The following TPO variants were observed in gnomAD, a reference collection of about 807,000 sequenced individuals.
The protein encoded by TPO is thyroid microsomal antigen.
Under a neutral mutation model 96.9 loss-of-function variants are expected in TPO, and 78 were observed. The ratio of observed to expected loss-of-function variants is 0.81; its 90% CI spans 0.67 to 0.97. TPO has a LOEUF of 0.97. Ranked by LOEUF, TPO falls within the 50% of genes least tolerant of loss-of-function variation. The pLI, the probability that TPO is intolerant of heterozygous loss-of-function variation, is 0.00. For synonymous variants in TPO, 547 were observed against 538.0 expected (o/e 1.02, Z -0.23); for missense variants, 1,252 against 1,274.8 (o/e 0.98, Z 0.27).
chr2:1,418,596 G>A (rs187044287), intron 2 of TPO, among the ~76,000 whole-genome samples: 111 of 152,234 alleles, frequency 7.3e-4, no homozygotes, highest in Middle Eastern at 3.4e-3. Context: ...CTCCTCTAAC[G>A]CCCTGAACAG....
At chr2:1,427,186 G>A (rs551754449) in intron 3 of TPO, among the ~76,000 whole-genome samples, 1 of 152,242 alleles carries the variant, frequency 6.6e-6, no homozygotes, top group African/African-American at 2.4e-5. Flanking sequence ...CACAGAAGGG[G>A]CCACATCTGG....
chr2:1,397,219 T>A (rs1158719962), intron 1 of TPO, among the ~76,000 whole-genome samples: 1 of 152,216 alleles, frequency 6.6e-6, no homozygotes, highest in Non-Finnish European at 1.5e-5. Flanking sequence ...TCTGTTTATA[T>A]TTGCCACAGT....
chr2:1,415,998 G>A (rs1263112101), intron 2 of TPO, among the ~76,000 whole-genome samples: 1 of 152,064 alleles, frequency 6.6e-6, no homozygotes, highest in South Asian at 2.1e-4. Context: ...GAAGCCGTGG[G>A]GCCTCTCCCT....
At chr2:1,494,236 G>A (rs1049021612) in intron 11 of TPO, among the ~76,000 whole-genome samples, 197 bp downstream of exon 11, 8 of 152,188 alleles carry the variant, frequency 5.3e-5, no homozygotes, top group Non-Finnish European at 1.2e-4. Context: ...AAGCAACTAC[G>A]AAGCACGTAG....
chr2:1,472,696 C>T (rs545479984), intron 7 of TPO, among the ~76,000 whole-genome samples: 114 of 152,210 alleles, frequency 7.5e-4, no homozygotes, highest in African/African-American at 2.7e-3. Flanking sequence ...TTTAGCACTG[C>T]TATGCTGGTA....
intron 9 of TPO, among the ~76,000 whole-genome samples, chr2:1,485,326 T>G (rs1671054272): frequency 6.6e-6 from 1 of 152,214 alleles, no homozygotes; most frequent in African/African-American, 2.4e-5. Flanking sequence ...TTGGGTTGGT[T>G]CCAAGTCTTT....
chr2:1,392,021 T>G (rs1186855775), intron 1 of TPO, among the ~76,000 whole-genome samples: 2 of 152,232 alleles, frequency 1.3e-5, no homozygotes, highest in Non-Finnish European at 2.9e-5. Context: ...TTCTCCTGCC[T>G]GATTGCCCTG....
intron 4 of TPO, among the ~76,000 whole-genome samples, chr2:1,435,154 C>T (rs1032787465): frequency 4.7e-4 from 71 of 152,276 alleles, no homozygotes; most frequent in African/African-American, 1.6e-3. Flanking sequence ...AGGATGGTCT[C>T]GATCTCCTGA....
chr2:1,471,446 C>CG (rs1403603893), intron 7 of TPO, among the ~76,000 whole-genome samples: 1 of 151,716 alleles, frequency 6.6e-6, no homozygotes, highest in Admixed American at 6.6e-5. Context: ...TGTGACCCCC[C>CG]CCCACAAATT....
At chr2:1,474,692 C>T (rs1669735202) in intron 7 of TPO, among the ~76,000 whole-genome samples, 1 of 152,220 alleles carries the variant, frequency 6.6e-6, no homozygotes, top group African/African-American at 2.4e-5. Context: ...ATCTGTTCTT[C>T]ATTTTCCAAT....
At chr2:1,536,520 C>T (rs1347114384) in intron 15 of TPO, among the ~76,000 whole-genome samples, 1 of 30,600 alleles carries the variant, frequency 3.3e-5, no homozygotes, top group African/African-American at 1.7e-4. Flanking sequence ...GCAACTTCCT[C>T]AAATTCCTCC....
chr2:1,528,389 TGTGTGCAACCTCCTCAAATCACCCG>T, intron 15 of TPO, among the ~76,000 whole-genome samples: 2 of 90,188 alleles, frequency 2.2e-5, no homozygotes, highest in Non-Finnish European at 4.0e-5. Context: ...ATCCCGCCAC[TGTGTGCAACCTCCTCAAATCACCCG>T]GTGTGCAACC....
intron 15 of TPO, among the ~76,000 whole-genome samples, chr2:1,533,027 A>C (rs1164679336): frequency 2.3e-5 from 1 of 44,254 alleles, no homozygotes; most frequent in Non-Finnish European, 3.9e-5. Context: ...CACTGTGTGC[A>C]CCCCCCAAAA....
intron 13 of TPO, among the ~76,000 whole-genome samples, chr2:1,497,022 G>C (rs1190650644): frequency 6.6e-6 from 1 of 152,168 alleles, no homozygotes; most frequent in Non-Finnish European, 1.5e-5. Flanking sequence ...GGAAGAGAGA[G>C]GGGAGTCCGT....
At chr2:1,511,979 G>A (rs1021644020) in intron 14 of TPO, among the ~76,000 whole-genome samples, 4 of 152,116 alleles carry the variant, frequency 2.6e-5, no homozygotes, top group African/African-American at 4.8e-5. Context: ...TGTTTCAAAC[G>A]TCTTGTTTTA....
At chr2:1,420,576 C>A (rs1342762417) in intron 2 of TPO, among the ~76,000 whole-genome samples, 1 of 152,162 alleles carries the variant, frequency 6.6e-6, no homozygotes, top group Non-Finnish European at 1.5e-5. Context: ...CACAGCTCTG[C>A]AACATGGAGA....
Position 1,422,918 on chromosome 2 carries a change from C to T in TPO, c.95-127C>T, listed in dbSNP as rs1663919837. 3.1e-6 allele frequency: 3 copies of T among 973,606 alleles called. 1 individual carries two copies. In the South Asian group the frequency reaches 4.1e-5, roughly 13 times the overall value. The allele number at this position is 973,606 out of a possible 1,614,324, so 60.3% of individuals were successfully genotyped here. On this transcript the variant is annotated intron_variant, in intron 2 of 16. Transcript: ENST00000329066. ...GGAGGGAAGCGACCCCGGGACCTGGCTGCCTGCCTGTCCCGGAAGCCACGT... is the reference window on the plus strand; with the variant it reads ...GGAGGGAAGCGACCCCGGGACCTGGTTGCCTGCCTGTCCCGGAAGCCACGT...
intron 5 of TPO, 105 bp downstream of exon 5, chr2:1,436,489 C>A (rs956138552): frequency 6.5e-7 from 1 of 1,541,448 alleles, no homozygotes; most frequent in Non-Finnish European, 8.8e-7. Context: ...TCTGTATCCA[C>A]CCCTGAGCCC....
At chr2:1,415,345 A>C (rs1453326137) in intron 2 of TPO, among the ~76,000 whole-genome samples, 1 of 139,584 alleles carries the variant, frequency 7.2e-6, no homozygotes. Flanking sequence ...GGGCCCCTGG[A>C]GCAGGTGACA....
Sources: gnomAD v4.1 joint callset for allele counts (sites outside exome capture counted in the v4.1 genomes callset) on GRCh38, gnomAD v4.1.1 for gene constraint, MANE v1.5 for transcripts, NCBI Gene and HGNC (gene_info 2026-07-23, HGNC 2026-07-21) for gene names.